Variants in ANKRD44 observed in about 807,000 individuals in gnomAD.
The protein encoded by ANKRD44 is ankyrin repeat domain 44.
Under a neutral mutation model 116.0 loss-of-function variants are expected in ANKRD44, and 35 were observed. The observed-to-expected ratio is 0.30, with a 90% CI of 0.23 to 0.40. The LOEUF (loss-of-function observed/expected upper bound fraction) is 0.40, where lower values mean the gene tolerates loss of function less well. ANKRD44 is among the 10% of genes least tolerant of loss of function. The probability of loss-of-function intolerance (pLI) is 1.00; values close to 1 mark genes in which losing one functional copy is unlikely to be tolerated. For missense variants in ANKRD44, 1,014 were observed against 1,242.6 expected, an observed-to-expected ratio of 0.82 and a Z score of 2.77; for synonymous variants, 435 against 461.8, an observed-to-expected ratio of 0.94 and a Z score of 0.74.
chr2:196,983,932 A>T (rs1328651994), downstream of ANKRD44, among the ~76,000 whole-genome samples: 2 of 152,220 alleles, frequency 1.3e-5, no homozygotes, highest in Non-Finnish European at 2.9e-5. Flanking sequence ...TTTTGGTTTG[A>T]TAACAAAGGA....
At position 197,203,648 on chromosome 2, in the gene ANKRD44, G is replaced by C. The variant is rs907086272; in HGVS notation, c.28-16542C>G. ...AAAATAGGTGTTGAAGCAAAAACGT[G>C]TACCTAAATGTCCACAGCAGTACTA... On this transcript the variant is annotated intron_variant, in intron 1 of 27. Coordinates refer to ENST00000282272, the MANE Select transcript of ANKRD44 (RefSeq NM_001195144.2). This position sits in a 1 kb window ranked among gnomAD's most constrained non-coding sequence, Gnocchi z 4.1. Among the ~76,000 whole-genome samples the C allele has an allele frequency of 6.6e-6, 1 of 152,180 alleles. No individual in the cohort carries two copies. Among genetic ancestry groups the C allele is most frequent in the Non-Finnish European group, 1.5e-5 (1 of 68,042 alleles).
In ANKRD44 at chr2:197,152,537, G is replaced by T. The variant is rs2079679697; in HGVS notation, c.112-5432C>A. Among the ~76,000 whole-genome samples, 3 of 152,198 alleles carry T rather than the reference G, an allele frequency of 2.0e-5. No homozygotes were observed. In the South Asian group the frequency reaches 6.2e-4, roughly 32 times the overall value. ...GAATAGCCAAAGATACACACAGCCA[G>T]CAGGGGTCTGAGCTAAATTTGCAGT... On this transcript the variant is annotated intron_variant, in intron 2 of 27. Transcript: ENST00000282272.
In ANKRD44 at chr2:197,226,436, C is replaced by T. The variant is rs185410439; in HGVS notation, c.28-39330G>A. The stretch of plus-strand genomic sequence containing the variant: ...ATCCTAGTACTTTGAGAGACTGAGG[C>T]GGGTGGATCATGAGGTCAGGAGATT... On this transcript the variant is annotated intron_variant, in intron 1 of 27. Coordinates refer to ENST00000282272, the MANE Select transcript of ANKRD44 (RefSeq NM_001195144.2). 3.6e-3 allele frequency among the ~76,000 whole-genome samples: 545 copies of T among 152,218 alleles called. 1 individual carries two copies. Among genetic ancestry groups the T allele is most frequent in the African/African-American group, 8.4e-3 (350 of 41,528 alleles).
At chr2:197,187,228 A>G in intron 1 of ANKRD44, 122 bp from the exon 2 acceptor site, 8 of 919,608 alleles carry the variant, frequency 8.7e-6, no homozygotes, top group Non-Finnish European at 1.4e-5. Flanking sequence ...TGGCAGACAA[A>G]GATGAATAAG....
chr2:197,014,305 T>C (rs1372262720), intron 17 of ANKRD44, among the ~76,000 whole-genome samples: 2 of 152,200 alleles, frequency 1.3e-5, no homozygotes, highest in Non-Finnish European at 2.9e-5. Flanking sequence ...AGCTGCCTCC[T>C]AGGGTTGCTG....
intron 2 of ANKRD44, among the ~76,000 whole-genome samples, chr2:197,183,726 A>G (rs2080575774): frequency 1.3e-5 from 2 of 152,174 alleles, no homozygotes. Context: ...TGGATCCCAA[A>G]AAGTGGTAAC....
intron 1 of ANKRD44, among the ~76,000 whole-genome samples, chr2:197,240,895 C>G (rs868719297): frequency 1.3e-5 from 2 of 151,410 alleles, no homozygotes; most frequent in African/African-American, 4.9e-5. Context: ...AACAACCCAG[C>G]CTATGATCAA....
Position 196,988,599 on chromosome 2 carries a change from T to C in ANKRD44, c.*992A>G. 1 of 983,186 alleles carries C rather than the reference T, an allele frequency of 1.0e-6. No individual in the cohort carries two copies. The highest frequency in any genetic ancestry group is 1.2e-6 in the Non-Finnish European group (1 of 827,838). 60.9% of individuals were successfully genotyped at this position (983,186 alleles called of 1,614,324 possible). A position where few individuals can be genotyped will look rare whatever the true frequency, so the allele number is the denominator to read the frequency against. ...TAGCTAGATGAAAAATATAATACAG[T>C]TATCTGTCTTTGATCCAGATATGAT... On this transcript the variant is annotated 3_prime_UTR_variant, in exon 28 of 28. Coordinates refer to ENST00000282272, the MANE Select transcript of ANKRD44 (RefSeq NM_001195144.2).
chr2:197,079,573 G>A (rs955474076), intron 15 of ANKRD44, among the ~76,000 whole-genome samples: 4 of 152,206 alleles, frequency 2.6e-5, no homozygotes, highest in African/African-American at 9.6e-5. Context: ...AATAAGTTCT[G>A]CTCAGGGCCT....
intron 1 of ANKRD44, among the ~76,000 whole-genome samples, chr2:197,248,574 G>GTATA (rs1237255982): frequency 8.4e-6 from 1 of 118,786 alleles, no homozygotes; most frequent in Non-Finnish European, 1.8e-5. Flanking sequence ...GTGTGTGTGT[G>GTATA]TGTGTATATA....
intron 10 of ANKRD44, among the ~76,000 whole-genome samples, chr2:197,099,260 G>A (rs191023423): frequency 6.6e-6 from 1 of 152,228 alleles, no homozygotes; most frequent in Admixed American, 6.5e-5. Context: ...TTTGACTTAA[G>A]TGGGTCTTGG....
intron 17 of ANKRD44, among the ~76,000 whole-genome samples, chr2:197,018,267 T>C (rs185114265): frequency 1.2e-4 from 19 of 152,232 alleles, no homozygotes; most frequent in Non-Finnish European, 1.6e-4. Context: ...CTGATACCAA[T>C]ATCCAAAACT....
chr2:196,978,455 C>T (rs1011237195), intron 21 of ANKRD44, among the ~76,000 whole-genome samples: 2 of 152,186 alleles, frequency 1.3e-5, no homozygotes, highest in Non-Finnish European at 1.5e-5. Context: ...GAGACTAACA[C>T]ATATATTAAG....
intron 1 of ANKRD44, among the ~76,000 whole-genome samples, chr2:197,206,310 C>T (rs935094796): frequency 6.6e-6 from 1 of 152,192 alleles, no homozygotes; most frequent in African/African-American, 2.4e-5. Flanking sequence ...TGGGTGAAAA[C>T]AAACATAGTC....
At chr2:196,972,689 C>A (rs1220598351) in intron 21 of ANKRD44, among the ~76,000 whole-genome samples, 2 of 152,220 alleles carry the variant, frequency 1.3e-5, no homozygotes, top group African/African-American at 4.8e-5. Flanking sequence ...ATGTTAGGGG[C>A]AGGCCTACTA....
chr2:197,091,122 T>C (rs1294386414), intron 10 of ANKRD44, among the ~76,000 whole-genome samples: 2 of 152,184 alleles, frequency 1.3e-5, no homozygotes, highest in African/African-American at 4.8e-5. Flanking sequence ...CACTGAGCTG[T>C]TAACATTTAA....
At chr2:197,001,085 T>G (rs2076106470) in intron 22 of ANKRD44, among the ~76,000 whole-genome samples, 1 of 152,228 alleles carries the variant, frequency 6.6e-6, no homozygotes, top group Non-Finnish European at 1.5e-5. Flanking sequence ...TCTTTTTTAC[T>G]TATACTTTCT....
chr2:197,177,785 C>T (rs1271230547), intron 2 of ANKRD44, among the ~76,000 whole-genome samples: 3 of 152,092 alleles, frequency 2.0e-5, no homozygotes, highest in African/African-American at 7.2e-5. Flanking sequence ...CCCACAAATA[C>T]ACATGATATC....
intron 1 of ANKRD44, among the ~76,000 whole-genome samples, chr2:197,195,880 G>A (rs1454970192): frequency 6.6e-6 from 1 of 152,196 alleles, no homozygotes; most frequent in Admixed American, 6.5e-5. Flanking sequence ...ACTACCCACA[G>A]ATTTTTTCAC....
Sources: gnomAD v4.1 joint callset for allele counts (sites outside exome capture counted in the v4.1 genomes callset) on GRCh38, gnomAD v4.1.1 for gene constraint, Gnocchi (gnomAD v3.1) non-coding constraint, MANE v1.5 for transcripts, NCBI Gene and HGNC (gene_info 2026-07-23, HGNC 2026-07-21) for gene names.